Variants in PARD3 observed in about 807,000 individuals in gnomAD.
PARD3 encodes the protein par-3 family cell polarity regulator.
Under a neutral mutation model 155.4 loss-of-function variants are expected in PARD3, and 75 were observed. That is an observed-to-expected ratio of 0.48 (90% CI 0.40 to 0.58). PARD3 has a LOEUF of 0.58. PARD3 is among the 20% of genes least tolerant of loss of function. The pLI, the probability that PARD3 is intolerant of heterozygous loss-of-function variation, is 0.00. For missense variants in PARD3, 1,642 were observed against 1,721.7 expected (o/e 0.95, Z 0.82); for synonymous variants, 576 against 610.5 (o/e 0.94, Z 0.83).
At chr10:34,701,384 A>C (rs1474181873) in intron 1 of PARD3, among the ~76,000 whole-genome samples, 1 of 131,888 alleles carries the variant, frequency 7.6e-6, no homozygotes, top group Non-Finnish European at 1.7e-5. Flanking sequence ...GTTTCCAAGC[A>C]TAATCGCACA....
intron 15 of PARD3, chr10:34,343,105 G>T: frequency 6.3e-6 from 1 of 158,328 alleles, no homozygotes; most frequent in Non-Finnish European, 1.4e-5. Context: ...GGACTTTCTA[G>T]CACTATTAGC....
In PARD3 at chr10:34,703,219, C is replaced by CA. The variant is rs553311500; in HGVS notation, c.121-6801dup. Among the ~76,000 whole-genome samples, 672 of 137,860 alleles carry CA rather than the reference C, an allele frequency of 4.9e-3. 2 individuals carry two copies. Among genetic ancestry groups the CA allele is most frequent in the South Asian group, 0.017 (75 of 4,350 alleles). 90.4% of individuals were successfully genotyped at this position (137,860 alleles called of 152,430 possible). ...GCAACACAGCAAGATCCCATCTGTA[C>CA]AAAAAAAAAAACCATAAAAATAAGT... is the stretch of plus-strand genomic sequence containing the variant. On this transcript the variant is annotated intron_variant, in intron 1 of 24. Coordinates refer to ENST00000374788, the MANE Select transcript of PARD3 (RefSeq NM_001184785.2).
intron 4 of PARD3, among the ~76,000 whole-genome samples, chr10:34,462,224 G>A (rs1589663207): frequency 6.6e-6 from 1 of 152,298 alleles, no homozygotes; most frequent in East Asian, 1.9e-4. Context: ...AAATTAAAGA[G>A]AGCTACAGGT....
chr10:34,573,736 A>AACACAC (rs60211169), intron 2 of PARD3, among the ~76,000 whole-genome samples: 4 of 39,574 alleles, frequency 1.0e-4, no homozygotes, highest in Non-Finnish European at 2.1e-4. Context: ...AACAAACAAA[A>AACACAC]ACACACACAC....
At chr10:34,302,924 T>C (rs1366130567) in intron 20 of PARD3, among the ~76,000 whole-genome samples, 1 of 152,160 alleles carries the variant, frequency 6.6e-6, no homozygotes, top group Non-Finnish European at 1.5e-5. Context: ...CTGCCACGTC[T>C]CCTGTATCCA....
intron 2 of PARD3, among the ~76,000 whole-genome samples, chr10:34,519,860 CATA>C (rs2082025905): frequency 6.6e-6 from 1 of 150,818 alleles, no homozygotes; most frequent in African/African-American, 2.4e-5. Flanking sequence ...CATAACATAA[CATA>C]ACATAACATA....
At chr10:34,602,253 T>A (rs764028777) in intron 2 of PARD3, among the ~76,000 whole-genome samples, 1 of 152,190 alleles carries the variant, frequency 6.6e-6, no homozygotes, top group Non-Finnish European at 1.5e-5. Flanking sequence ...TCAAAAAAAA[T>A]TTCAATGTTA....
intron 23 of PARD3, 63 bp from the exon 24 acceptor site, chr10:34,119,803 T>A: frequency 7.2e-7 from 1 of 1,393,452 alleles, no homozygotes; most frequent in Non-Finnish European, 9.6e-7. Flanking sequence ...ACACAACTGG[T>A]TGACTCCATT....
At chr10:34,584,811 GAT>G (rs958575302) in intron 2 of PARD3, among the ~76,000 whole-genome samples, 38 of 152,212 alleles carry the variant, frequency 2.5e-4, no homozygotes, top group African/African-American at 9.1e-4. Flanking sequence ...ATTACTGTTT[GAT>G]ATGTTTTCGT....
intron 5 of PARD3, among the ~76,000 whole-genome samples, chr10:34,437,107 C>T (rs2076228951): frequency 6.6e-6 from 1 of 152,028 alleles, no homozygotes; most frequent in African/African-American, 2.4e-5. Context: ...ATTAATCCCC[C>T]TATAGTCTGA....
At chr10:34,298,041 T>G (rs1206053705) in intron 20 of PARD3, among the ~76,000 whole-genome samples, 1 of 152,196 alleles carries the variant, frequency 6.6e-6, no homozygotes, top group Non-Finnish European at 1.5e-5. Context: ...GGCAACTCAT[T>G]TAACCTCTTT....
intron 21 of PARD3, among the ~76,000 whole-genome samples, chr10:34,270,299 C>A (rs750724292): frequency 2.6e-5 from 4 of 152,010 alleles, no homozygotes; most frequent in Admixed American, 2.0e-4. Context: ...TGCACCACCA[C>A]GCCTGGCTAA....
At chr10:34,499,189 G>A (rs1274549037) in intron 3 of PARD3, among the ~76,000 whole-genome samples, 1 of 151,828 alleles carries the variant, frequency 6.6e-6, no homozygotes, top group African/African-American at 2.4e-5. Context: ...CAAAATTATA[G>A]CCAAATCATC....
At chr10:34,562,096 A>G (rs1479128426) in intron 2 of PARD3, among the ~76,000 whole-genome samples, 1 of 127,130 alleles carries the variant, frequency 7.9e-6, no homozygotes. Context: ...ACTACACTCC[A>G]GCCTGGGTGA....
chr10:34,745,709 T>G (rs753462240), intron 1 of PARD3, among the ~76,000 whole-genome samples: 10 of 151,742 alleles, frequency 6.6e-5, no homozygotes, highest in Admixed American at 6.6e-5. Flanking sequence ...GGATTACAAG[T>G]GATTTCAGGA....
At chr10:34,264,620 T>C (rs867366536) in intron 22 of PARD3, among the ~76,000 whole-genome samples, 2 of 152,074 alleles carry the variant, frequency 1.3e-5, no homozygotes, top group African/African-American at 2.4e-5. Flanking sequence ...ACTAGCTTTA[T>C]AGGAAGTCCC....
intron 5 of PARD3, among the ~76,000 whole-genome samples, chr10:34,409,704 A>C (rs967785097): frequency 4.6e-5 from 7 of 152,166 alleles, no homozygotes; most frequent in African/African-American, 7.2e-5. Flanking sequence ...TTTTATTCAG[A>C]CTAATCAATC....
chr10:34,359,862 T>A (rs540670488), intron 13 of PARD3, among the ~76,000 whole-genome samples: 1 of 152,338 alleles, frequency 6.6e-6, no homozygotes, highest in East Asian at 1.9e-4. Flanking sequence ...ATGGGTTGTA[T>A]GTTCTGTGAG....
chr10:34,328,876 G>T (rs1251549917), intron 19 of PARD3, among the ~76,000 whole-genome samples: 2 of 152,190 alleles, frequency 1.3e-5, no homozygotes, highest in African/African-American at 4.8e-5. Flanking sequence ...CATATGCAAA[G>T]TTCAGAAGAC....
Sources: gnomAD v4.1 joint callset for allele counts (sites outside exome capture counted in the v4.1 genomes callset) on GRCh38, gnomAD v4.1.1 for gene constraint, MANE v1.5 for transcripts, NCBI Gene and HGNC (gene_info 2026-07-23, HGNC 2026-07-21) for gene names.